TRIM36: variants seen among roughly 807,000 people sequenced by gnomAD.
TRIM36 encodes tripartite motif containing 36, also known as E3 ubiquitin-protein ligase TRIM36.
In TRIM36, 42 loss-of-function variants were observed where a neutral mutation model predicts 72.4. That is an observed-to-expected ratio of 0.58 (90% confidence interval 0.45 to 0.75). The LOEUF (loss-of-function observed/expected upper bound fraction) is 0.75, where lower values mean the gene tolerates loss of function less well. Among genes scored for constraint, TRIM36 ranks in the 30% least tolerant of loss-of-function variants. The pLI is 0.00. For missense variants in TRIM36, 913 were observed against 857.1 expected (o/e 1.07, Z -0.81); for synonymous variants, 315 against 282.8 (o/e 1.11, Z -1.14).
At chr5:115,141,551 A>G (rs541633924) in intron 4 of TRIM36, among the ~76,000 whole-genome samples, 177 bp from the exon 5 acceptor site, 101 of 152,320 alleles carry the variant, frequency 6.6e-4, no homozygotes, top group African/African-American at 2.4e-3. Flanking sequence ...GGCCTTAGGC[A>G]CAGAGGGCCA....
rs528786123 is a variant in TRIM36 at position 115,165,718 on chromosome 5, G to A, written c.28-1966C>T. Among the ~76,000 whole-genome samples, 16 of 152,230 alleles carry A rather than the reference G, an allele frequency of 1.1e-4. No individual in the cohort carries two copies. In the East Asian group the frequency reaches 2.1e-3, roughly 20 times the overall value. Reference sequence around the variant, plus strand: ...GCCCTTCTCCCTTCCGAGTTGGTGCGGAGGGAGCCCCATGCTCCTGGGTGC... The same window carrying A: ...GCCCTTCTCCCTTCCGAGTTGGTGCAGAGGGAGCCCCATGCTCCTGGGTGC... On this transcript the variant is annotated intron_variant, in intron 1 of 9. Coordinates refer to ENST00000513154, the MANE Select transcript of TRIM36 (RefSeq NM_001300759.2).
intron 5 of TRIM36, among the ~76,000 whole-genome samples, chr5:115,140,005 G>T (rs1012102310): frequency 5.9e-5 from 9 of 152,130 alleles, no homozygotes; most frequent in African/African-American, 1.9e-4. Flanking sequence ...ACCTACTAAG[G>T]TGATCATCTG....
At chr5:115,140,540 C>T (rs544520022) in intron 5 of TRIM36, among the ~76,000 whole-genome samples, 1 of 152,136 alleles carries the variant, frequency 6.6e-6, no homozygotes, top group Non-Finnish European at 1.5e-5. Context: ...AAGAACATTA[C>T]CAGTATCCCA....
chr5:115,135,163 G>A (rs767984996), intron 7 of TRIM36, among the ~76,000 whole-genome samples: 1 of 152,076 alleles, frequency 6.6e-6, no homozygotes, highest in African/African-American at 2.4e-5. Flanking sequence ...CCTTTCTATA[G>A]AGCCAATTCC....
At chr5:115,167,289 G>A (rs753102866) in intron 1 of TRIM36, among the ~76,000 whole-genome samples, 16 of 152,220 alleles carry the variant, frequency 1.1e-4, no homozygotes, top group African/African-American at 2.7e-4. Flanking sequence ...CCTGCCAAAC[G>A]GAGGGACTGC....
chr5:115,127,823 C>A (rs1386884209), intron 9 of TRIM36, among the ~76,000 whole-genome samples: 4 of 152,074 alleles, frequency 2.6e-5, no homozygotes, highest in Non-Finnish European at 5.9e-5. Flanking sequence ...AAAATGTTAA[C>A]TGTAAAACAG....
At chr5:115,174,529 C>T (rs930983066), upstream of TRIM36, among the ~76,000 whole-genome samples, 1 of 152,158 alleles carries the variant, frequency 6.6e-6, no homozygotes, top group Admixed American at 6.5e-5. Flanking sequence ...AAGCTACTGA[C>T]AGGCCAAGCT....
chr5:115,126,801 G>C lies in TRIM36; in HGVS notation c.1853C>G (p.Ser618Ter). 1 of 1,614,108 alleles carries C rather than the reference G, an allele frequency of 6.2e-7. No homozygotes were observed. The highest frequency in any genetic ancestry group is 8.5e-7 in the Non-Finnish European group (1 of 1,180,008). The change falls in exon 10 of 10, where the codon TCA becomes TGA. Residue 618 changes from serine (S) to a stop codon, truncating the protein, a stop_gained. Transcript: ENST00000513154. LOFTEE classifies it high-confidence loss of function. ...TATAGTAACTAAGGTAAATGGTTGT[G>C]AAGAATCAAAACAGGCATCCTCACT... Reference protein sequence around the residue: ...SGSEDACFDSSQPFTLVTIGM... With the variant: ...SGSEDACFDS
At position 115,158,491 on chromosome 5, in the gene TRIM36, G is replaced by A. The variant is rs116615786; in HGVS notation, c.262+5027C>T. 8.3e-3 allele frequency among the ~76,000 whole-genome samples: 1,264 copies of A among 152,238 alleles called. 10 individuals carry two copies. Among genetic ancestry groups the A allele is most frequent in the Non-Finnish European group, 0.011 (775 of 68,004 alleles). On this transcript the variant is annotated intron_variant, in intron 2 of 9. Coordinates refer to ENST00000513154, the MANE Select transcript of TRIM36 (RefSeq NM_001300759.2). ...ACTAACAGGTTCCAAACCTCTGCCG[G>A]TTGCATCCTCTCCCGTATTCTGGCT...
At chr5:115,152,563 A>T (rs1002757267) in intron 2 of TRIM36, among the ~76,000 whole-genome samples, 2 of 152,206 alleles carry the variant, frequency 1.3e-5, no homozygotes, top group African/African-American at 4.8e-5. Flanking sequence ...GCCCAGGAAC[A>T]CTGTCGTCAG....
At chr5:115,153,114 C>T (rs1375316953) in intron 2 of TRIM36, among the ~76,000 whole-genome samples, 1 of 152,096 alleles carries the variant, frequency 6.6e-6, no homozygotes, top group African/African-American at 2.4e-5. Context: ...AAGACTTCAC[C>T]AACCAACTAT....
At chr5:115,177,575 G>A (rs1430864283) in intron 1 of TRIM36, 2 of 1,432,790 alleles carry the variant, frequency 1.4e-6, no homozygotes, top group Non-Finnish European at 1.8e-6. Context: ...TTCAAATCCT[G>A]TATAATCACA....
intron 2 of TRIM36, among the ~76,000 whole-genome samples, chr5:115,151,914 C>A (rs964186029): frequency 1.3e-5 from 2 of 152,164 alleles, no homozygotes; most frequent in African/African-American, 4.8e-5. Context: ...CTGACAGAGC[C>A]TACCGAAATG....
chr5:115,176,743 T>C (rs1561453715), intron 1 of TRIM36, among the ~76,000 whole-genome samples: 2 of 152,150 alleles, frequency 1.3e-5, no homozygotes, highest in Non-Finnish European at 2.9e-5. Flanking sequence ...TGGAAAATAC[T>C]GCTTTGAGTA....
In TRIM36 at chr5:115,179,073, A is replaced by G. The variant is rs187249815; in HGVS notation, c.63+902T>C. Among the ~76,000 whole-genome samples, 77 of 152,302 alleles carry G rather than the reference A, an allele frequency of 5.1e-4. 1 individual carries two copies. The highest frequency in any genetic ancestry group is 4.8e-3 in the South Asian group (23 of 4,828). ...TGCCATCACCTCTTCTCGAAGCTCC[A>G]GGCGCAGAGGGCAAACGCTGACGCC... On this transcript the variant is annotated intron_variant, in intron 1 of 9. Coordinates refer to the TRIM36 transcript ENST00000282369.
chr5:115,144,193 G>C (rs1753449246), intron 4 of TRIM36, among the ~76,000 whole-genome samples: 1 of 152,210 alleles, frequency 6.6e-6, no homozygotes, highest in African/African-American at 2.4e-5. Context: ...TGGTAAGTGT[G>C]CCACCAGAAT....
intron 1 of TRIM36, chr5:115,177,091 GAACAT>G (rs1755371465): frequency 1.3e-5 from 2 of 152,214 alleles, no homozygotes; most frequent in South Asian, 4.1e-4. Flanking sequence ...ACATTTCAGA[GAACAT>G]ACGGTATGCT....
At chr5:115,146,353 A>G (rs901374876) in intron 3 of TRIM36, among the ~76,000 whole-genome samples, 15 of 152,180 alleles carry the variant, frequency 9.9e-5, no homozygotes, top group Non-Finnish European at 4.4e-5. Flanking sequence ...ATGCAAGTAG[A>G]TTTTCATACA....
rs371677762 is a variant in TRIM36 at position 115,150,796 on chromosome 5, G to A, written c.263-3402C>T. ...TGGGGAAACTGAAGACCTGGATAACGGGAGATTTTGACCTTACCTGGAGCT... is the reference window on the plus strand; with the variant it reads ...TGGGGAAACTGAAGACCTGGATAACAGGAGATTTTGACCTTACCTGGAGCT... On this transcript the variant is annotated intron_variant, in intron 2 of 9. Transcript: ENST00000513154. 4.4e-4 allele frequency among the ~76,000 whole-genome samples: 67 copies of A among 152,308 alleles called. No individual in the cohort carries two copies. The South Asian group carries it at 0.013, about 30-fold the overall frequency.
Sources: allele counts gnomAD v4.1 joint callset (sites outside exome capture counted in the v4.1 genomes callset), GRCh38; gene constraint gnomAD v4.1.1; transcripts MANE v1.5; gene names NCBI Gene and HGNC (gene_info 2026-07-23, HGNC 2026-07-21).